The following AMY2B variants were observed in gnomAD, a reference collection of about 807,000 sequenced individuals.
The protein encoded by AMY2B is alpha-amylase 2B.
A neutral mutation model predicts 59.3 loss-of-function variants in AMY2B; 63 were observed. That is an observed-to-expected ratio of 1.06 (90% CI 0.87 to 1.31). The LOEUF (loss-of-function observed/expected upper bound fraction) is 1.31. Ranked by LOEUF, AMY2B falls within the 50% of genes most tolerant of loss-of-function variation. AMY2B has a pLI of 0.00. For missense variants in AMY2B, 635 were observed against 626.7 expected (o/e 1.01, Z -0.14); for synonymous variants, 180 against 198.1 (o/e 0.91, Z 0.77).
chr1:103,567,923 A>G (rs1651965096), upstream of AMY2B, among the ~76,000 whole-genome samples: 1 of 152,112 alleles, frequency 6.6e-6, no homozygotes, highest in Non-Finnish European at 1.5e-5. Flanking sequence ...TGATCTCTAA[A>G]TGACTGGACA....
intron 1 of AMY2B, among the ~76,000 whole-genome samples, chr1:103,557,581 A>G (rs1216087274): frequency 1.3e-5 from 2 of 151,980 alleles, no homozygotes; most frequent in Non-Finnish European, 2.9e-5. Flanking sequence ...TTGAACCCGA[A>G]GGTGGAGGTT....
chr1:103,579,384 A>G lies in AMY2B; in HGVS notation c.1420A>G (p.Asn474Asp). Residue 474 changes from asparagine (N) to aspartate (D), a missense_variant, in exon 10 of 10, where the codon AAT becomes GAT. Physicochemically the swap from Asn to Asp is conservative, Grantham distance 23 (BLOSUM62 1). Coordinates refer to ENST00000684275, the MANE Select transcript of AMY2B (RefSeq NM_001387437.1). The part of the protein sequence containing the change: ...YCDVISGDKI[N>D]GNCTGIKIYV... ...TGATGTCATTTCTGGAGATAAAATT[A>G]ATGGCAATTGCACAGGCATTAAAAT... 3 of 1,611,860 alleles carry G rather than the reference A, an allele frequency of 1.9e-6. No homozygotes were observed. The highest frequency in any genetic ancestry group is 2.5e-6 in the Non-Finnish European group (3 of 1,179,738).
upstream of AMY2B, chr1:103,570,274 C>G (rs1054460767): frequency 1.2e-5 from 7 of 561,950 alleles, no homozygotes; most frequent in Non-Finnish European, 2.1e-5. Flanking sequence ...GAGATATGAG[C>G]TGCCTGATGG....
chr1:103,572,142 C>A lies in AMY2B; in HGVS notation c.201C>A (p.His67Gln). 1 of 1,611,674 alleles carries A rather than the reference C, an allele frequency of 6.2e-7. No individual in the cohort carries two copies. The highest frequency in any genetic ancestry group is 1.1e-5 in the South Asian group (1 of 90,970). Residue 67 changes from histidine (H) to glutamine (Q), a missense_variant, in exon 2 of 10, where the codon CAC (histidine) becomes CAA (glutamine). Transcript: ENST00000684275. ...VSPPNENVAIHNPFRPWWERY... is the reference protein window; with the variant it reads ...VSPPNENVAIQNPFRPWWERY... ...CACCAAATGAAAATGTTGCAATTCA[C>A]AACCCTTTCAGACCTTGGTGGGAAA...
chr1:103,577,690 T>A, intron 8 of AMY2B, 30 bp from the exon 9 acceptor site: 1 of 1,611,854 alleles, frequency 6.2e-7, no homozygotes, highest in Non-Finnish European at 8.5e-7. Context: ...TTTAAGAATA[T>A]CAACGTTTTA....
upstream of AMY2B, chr1:103,570,650 C>T: frequency 1.7e-6 from 1 of 587,646 alleles, no homozygotes; most frequent in Non-Finnish European, 3.4e-6. Context: ...TGGCCCCCTC[C>T]ATCGTCCACC....
At chr1:103,575,596 G>A in intron 7 of AMY2B, 56 bp downstream of exon 7, 2 of 1,601,828 alleles carry the variant, frequency 1.2e-6, no homozygotes, top group South Asian at 1.1e-5. Flanking sequence ...AGGCAATCTT[G>A]TTCTAACTTA....
chr1:103,561,834 CAG>C (rs531928990), intron 1 of AMY2B: 100 of 152,116 alleles, frequency 6.6e-4, no homozygotes, highest in African/African-American at 2.4e-3. Flanking sequence ...GCTTAGGAAA[CAG>C]GAGTGTGGTG....
At chr1:103,558,920 G>A (rs541858452) in intron 1 of AMY2B, among the ~76,000 whole-genome samples, 6 of 151,638 alleles carry the variant, frequency 4.0e-5, no homozygotes, top group African/African-American at 9.7e-5. Context: ...AGTTTTTTTC[G>A]TCATTATTTT....
At chr1:103,572,454 A>C (rs1652174228) in intron 2 of AMY2B, among the ~76,000 whole-genome samples, 198 bp downstream of exon 2, 1 of 152,224 alleles carries the variant, frequency 6.6e-6, no homozygotes, top group Non-Finnish European at 1.5e-5. Context: ...TCTACCAAAG[A>C]AACAAGTTTA....
chr1:103,576,116 T>G (rs775698580), intron 7 of AMY2B, among the ~76,000 whole-genome samples: 10 of 152,100 alleles, frequency 6.6e-5, no homozygotes, highest in Non-Finnish European at 1.3e-4. Context: ...GTAAAGACAT[T>G]TATCTGATGA....
Position 103,571,665 on chromosome 1 carries a change from A to G in AMY2B, c.63A>G (p.Thr21=), listed in dbSNP as rs762469849. The change falls in exon 1 of 10, where the codon ACA becomes ACG. Residue 21 remains threonine, a synonymous_variant. Coordinates refer to ENST00000684275, the MANE Select transcript of AMY2B (RefSeq NM_001387437.1). ...GFCWAQYSPN[T]QQGRTSIVHL... is the part of the protein sequence containing the mutation. ...GCTGGGCTCAGTATTCCCCAAATAC[A>G]CAACAAGGACGGACATCTATTGTTC... 6.2e-7 allele frequency: 1 copy of G among 1,611,978 alleles called. No homozygotes were observed. The highest frequency in any genetic ancestry group is 8.5e-7 in the Non-Finnish European group (1 of 1,179,832).
Position 103,573,738 on chromosome 1 carries a change from G to C in AMY2B, c.544G>C (p.Asp182His). Residue 182 changes from aspartate (D) to histidine (H), a missense_variant, in exon 4 of 10, where the codon GAT (aspartate) becomes CAT (histidine). Asp to His is a moderately conservative substitution (Grantham distance 81). Coordinates refer to ENST00000684275, the MANE Select transcript of AMY2B (RefSeq NM_001387437.1). ...AGATTGTCGTCTGGTTGGTCTTCTT[G>C]ATCTTGCACTGGAGAAAGATTATGT... ...VRDCRLVGLL[D>H]LALEKDYVRS... is the part of the protein sequence containing the mutation. 6.2e-7 allele frequency: 1 copy of C among 1,613,684 alleles called. No individual in the cohort carries two copies. Among genetic ancestry groups the C allele is most frequent in the Non-Finnish European group, 8.5e-7 (1 of 1,179,670 alleles).
At chr1:103,575,772 A>C in intron 7 of AMY2B, 1 of 536,368 alleles carries the variant, frequency 1.9e-6, no homozygotes, top group Non-Finnish European at 2.9e-6. Context: ...CCCCTAGCCC[A>C]CAGGAAAAAA....
chr1:103,574,160 A>G, intron 4 of AMY2B, 100 bp from the exon 5 acceptor site: 2 of 1,531,062 alleles, frequency 1.3e-6, no homozygotes, highest in Admixed American at 2.1e-5. Flanking sequence ...TTAATAAATA[A>G]CAAATAGCTT....
chr1:103,577,935 GAAA>G (rs1652429788), intron 9 of AMY2B, 90 bp downstream of exon 9: 6 of 1,572,438 alleles, frequency 3.8e-6, no homozygotes, highest in Non-Finnish European at 5.1e-6. Context: ...TATCATATCT[GAAA>G]AATCATGTAG....
At chr1:103,569,553 A>G (rs937997721), upstream of AMY2B, 4 of 330,906 alleles carry the variant, frequency 1.2e-5, no homozygotes, top group Middle Eastern at 8.9e-4. Context: ...ACCAGTCGCA[A>G]TGGAAGAAGA....
chr1:103,555,930 C>A (rs1651533413), intron 1 of AMY2B, among the ~76,000 whole-genome samples: 1 of 152,024 alleles, frequency 6.6e-6, no homozygotes, highest in South Asian at 2.1e-4. Context: ...AGCCATAGAC[C>A]TGGTATACAA....
intron 5 of AMY2B, among the ~76,000 whole-genome samples, chr1:103,574,952 A>G (rs1652286456): frequency 6.6e-6 from 1 of 151,164 alleles, no homozygotes; most frequent in South Asian, 2.1e-4. Context: ...GAATATAAGT[A>G]TTCCATACTT....
Sources: gnomAD v4.1 joint callset for allele counts (sites outside exome capture counted in the v4.1 genomes callset) on GRCh38, gnomAD v4.1.1 for gene constraint, MANE v1.5 for transcripts, NCBI Gene and HGNC (gene_info 2026-07-23, HGNC 2026-07-21) for gene names.